The following EYS variants were observed in gnomAD, a reference collection of about 807,000 sequenced individuals.
EYS encodes the protein EGF-like photoreceptor maintenance factor.
Under a neutral mutation model 282.1 loss-of-function variants are expected in EYS, and 250 were observed. The ratio of observed to expected loss-of-function variants is 0.89; its 90% confidence interval spans 0.80 to 0.98. EYS has a LOEUF of 0.98. Ranked by LOEUF, EYS falls within the 50% of genes least tolerant of loss-of-function variation. The pLI is 0.00. For missense variants in EYS, 4,016 were observed against 3,709.0 expected, an observed-to-expected ratio of 1.08 and a Z score of -2.15; for synonymous variants, 1,355 against 1,282.9, an observed-to-expected ratio of 1.06 and a Z score of -1.20.
intron 21 of EYS, among the ~76,000 whole-genome samples, chr6:64,820,511 C>T (rs1764869145): frequency 1.3e-5 from 2 of 152,086 alleles, no homozygotes; most frequent in African/African-American, 4.8e-5. Flanking sequence ...TTATTTATTA[C>T]ATTTCCCTTT....
intron 28 of EYS, among the ~76,000 whole-genome samples, chr6:64,395,127 AAAC>A (rs1469197106): frequency 1.3e-5 from 2 of 152,186 alleles, no homozygotes; most frequent in East Asian, 3.9e-4. Context: ...AAAAGTCAGG[AAAC>A]AACAGGTGCT....
chr6:64,482,607 T>C (rs1776466340), intron 26 of EYS, among the ~76,000 whole-genome samples: 1 of 151,776 alleles, frequency 6.6e-6, no homozygotes, highest in African/African-American at 2.4e-5. Context: ...TTGTATGACA[T>C]ATAGCAAATG....
At chr6:64,396,841 C>G (rs1773396969) in intron 28 of EYS, among the ~76,000 whole-genome samples, 1 of 152,020 alleles carries the variant, frequency 6.6e-6, no homozygotes, top group Non-Finnish European at 1.5e-5. Context: ...ATTTAATACA[C>G]AGTAGAGTAA....
intron 22 of EYS, among the ~76,000 whole-genome samples, chr6:64,645,943 T>A (rs1458440205): frequency 6.6e-6 from 1 of 152,222 alleles, no homozygotes; most frequent in Non-Finnish European, 1.5e-5. Flanking sequence ...CAAAAGTATA[T>A]TTTTAAATCT....
intron 35 of EYS, among the ~76,000 whole-genome samples, chr6:63,933,501 C>G (rs1171907669): frequency 1.3e-5 from 2 of 152,220 alleles, no homozygotes; most frequent in Non-Finnish European, 1.5e-5. Context: ...GCCACCGCAC[C>G]TGGCCTCTTT....
intron 5 of EYS, among the ~76,000 whole-genome samples, chr6:65,440,860 TAG>T (rs113140829): frequency 5.2e-4 from 76 of 146,752 alleles, no homozygotes; most frequent in East Asian, 4.7e-3. Context: ...TATATATATA[TAG>T]ATTTATATTA....
intron 31 of EYS, among the ~76,000 whole-genome samples, chr6:64,151,033 G>A (rs116625851): frequency 0.011 from 1,661 of 151,784 alleles, 28 homozygotes; most frequent in African/African-American, 0.038. Context: ...TTACATTTTA[G>A]GCAAATGTTC....
At chr6:63,919,312 C>CTTTTTTTT (rs562177760) in intron 35 of EYS, among the ~76,000 whole-genome samples, 2 of 49,384 alleles carry the variant, frequency 4.0e-5, no homozygotes, top group African/African-American at 8.6e-5. Flanking sequence ...AGGGAACAGA[C>CTTTTTTTT]TTTTTTTTTT....
intron 26 of EYS, among the ~76,000 whole-genome samples, chr6:64,551,322 T>C (rs1390331437): frequency 1.3e-5 from 2 of 151,680 alleles, no homozygotes; most frequent in African/African-American, 4.8e-5. Context: ...GTCAGAGGAA[T>C]CCAACAACCA....
At chr6:65,685,580 G>C (rs1768987320) in intron 1 of EYS, among the ~76,000 whole-genome samples, 1 of 152,016 alleles carries the variant, frequency 6.6e-6, no homozygotes, top group Admixed American at 6.6e-5. Context: ...ATATCACATA[G>C]AGTTCAACCT....
At chr6:63,820,201 T>A (rs1031616524) in intron 36 of EYS, among the ~76,000 whole-genome samples, 2 of 152,240 alleles carry the variant, frequency 1.3e-5, no homozygotes, top group Non-Finnish European at 2.9e-5. Flanking sequence ...GTCCAGTTAT[T>A]ACTTTAATTG....
intron 1 of EYS, among the ~76,000 whole-genome samples, chr6:65,701,684 C>G (rs904232754): frequency 6.6e-6 from 1 of 151,982 alleles, no homozygotes. Flanking sequence ...TTTTTTCTCA[C>G]ACCTCTCCAG....
At chr6:64,867,614 T>C (rs961983029) in intron 19 of EYS, among the ~76,000 whole-genome samples, 17 of 151,700 alleles carry the variant, frequency 1.1e-4, no homozygotes, top group African/African-American at 3.9e-4. Flanking sequence ...GTTTATCTTA[T>C]CTTTGATGGC....
chr6:65,066,547 A>G (rs1480728407), intron 12 of EYS, among the ~76,000 whole-genome samples: 1 of 152,204 alleles, frequency 6.6e-6, no homozygotes, highest in Non-Finnish European at 1.5e-5. Context: ...GACCTGTTTC[A>G]TGATACAGTA....
intron 19 of EYS, among the ~76,000 whole-genome samples, chr6:64,832,469 T>A (rs9363266): frequency 0.15 from 23,089 of 151,808 alleles, 1,987 homozygotes; most frequent in East Asian, 0.43. Context: ...AGTTGTTCAA[T>A]GGCATAAAAT....
Position 64,982,809 on chromosome 6 carries a change from T to C in EYS, c.2259+14773A>G, listed in dbSNP as rs376008737. 3.3e-5 allele frequency among the ~76,000 whole-genome samples: 5 copies of C among 151,258 alleles called. No individual in the cohort carries two copies. The South Asian group carries it at 6.2e-4, about 19-fold the overall frequency. ...AAAAACTGATTTTGTTGATTGTATT[T>C]ATGCTTAACCTTAATAAAGTGGCAA... is the stretch of plus-strand genomic sequence containing the variant. On this transcript the variant is annotated intron_variant, in intron 14 of 42. Coordinates refer to ENST00000503581, the MANE Select transcript of EYS (RefSeq NM_001142800.2).
At chr6:64,014,439 C>T (rs1416501623) in intron 33 of EYS, among the ~76,000 whole-genome samples, 2 of 151,962 alleles carry the variant, frequency 1.3e-5, no homozygotes, top group Non-Finnish European at 2.9e-5. Flanking sequence ...ATTTTCCTGA[C>T]AATGCATTTT....
chr6:64,559,414 A>G (rs1008601209), intron 26 of EYS, among the ~76,000 whole-genome samples: 3 of 151,880 alleles, frequency 2.0e-5, no homozygotes, highest in South Asian at 2.1e-4. Context: ...CCACTTTAAC[A>G]TGTCATAACA....
At chr6:64,331,241 A>G (rs757782451) in intron 29 of EYS, among the ~76,000 whole-genome samples, 1 of 152,192 alleles carries the variant, frequency 6.6e-6, no homozygotes, top group African/African-American at 2.4e-5. Context: ...ATACAAGGAA[A>G]GAGGATTATT....
Sources: gnomAD v4.1 joint callset for allele counts (sites outside exome capture counted in the v4.1 genomes callset) on GRCh38, gnomAD v4.1.1 for gene constraint, MANE v1.5 for transcripts, NCBI Gene and HGNC (gene_info 2026-07-23, HGNC 2026-07-21) for gene names.